SSH2: variants seen among roughly 807,000 people sequenced by gnomAD.
SSH2 encodes protein phosphatase Slingshot homolog 2.
A neutral mutation model predicts 135.2 loss-of-function variants in SSH2; 37 were observed. The ratio of observed to expected loss-of-function variants is 0.27; its 90% CI spans 0.21 to 0.36. The LOEUF (loss-of-function observed/expected upper bound fraction) is 0.36, where lower values mean the gene tolerates loss of function less well. SSH2 is among the 10% of genes least tolerant of loss of function. The pLI is 1.00. For synonymous variants in SSH2, 628 were observed against 646.2 expected (o/e 0.97, Z 0.43); for missense variants, 1,408 against 1,765.3 (o/e 0.80, Z 3.63).
At chr17:29,637,034 T>G (rs1217895943) in intron 14 of SSH2, among the ~76,000 whole-genome samples, 1 of 152,242 alleles carries the variant, frequency 6.6e-6, no homozygotes, top group Admixed American at 6.5e-5. Flanking sequence ...ATTAAAATGG[T>G]TGGTAACAGC....
At chr17:29,730,676 C>A (rs564552701) in intron 3 of SSH2, among the ~76,000 whole-genome samples, 9 of 151,872 alleles carry the variant, frequency 5.9e-5, no homozygotes, top group Non-Finnish European at 1.0e-4. Flanking sequence ...TGGGCTCAAG[C>A]GATCTGCCTG....
intron 3 of SSH2, among the ~76,000 whole-genome samples, chr17:29,765,711 C>A (rs192591200): frequency 6.6e-6 from 1 of 151,994 alleles, no homozygotes; most frequent in African/African-American, 2.4e-5. Context: ...GTTTACCTCA[C>A]GGGCTGATTA....
At chr17:29,731,620 TA>T (rs1415223813) in intron 3 of SSH2, among the ~76,000 whole-genome samples, 1 of 152,262 alleles carries the variant, frequency 6.6e-6, no homozygotes, top group South Asian at 2.1e-4. Context: ...TACACCCGGC[TA>T]ATCTGTGCAT....
rs182685083 is a variant in SSH2, at chr17:29,731,872, C to A, written c.189-28810G>T. On this transcript the variant is annotated intron_variant, in intron 3 of 15. Coordinates refer to ENST00000540801, the MANE Select transcript of SSH2 (RefSeq NM_001282129.2). ...TGATTAATTTGTTCATTCATTGGAT[C>A]CTTGCTTCCACTGGAAATTTTTTCT... Among the ~76,000 whole-genome samples the A allele has an allele frequency of 2.6e-5, 4 of 152,088 alleles. 1 individual carries two copies. The highest frequency in any genetic ancestry group is 4.4e-5 in the Non-Finnish European group (3 of 68,022).
At chr17:29,660,490 C>T (rs2036986174) in intron 11 of SSH2, among the ~76,000 whole-genome samples, 1 of 151,348 alleles carries the variant, frequency 6.6e-6, no homozygotes. Context: ...TGGTGTCCAT[C>T]TCTTGACCTT....
chr17:29,692,283 C>A (rs902135544), intron 5 of SSH2, among the ~76,000 whole-genome samples: 8 of 151,934 alleles, frequency 5.3e-5, no homozygotes, highest in Admixed American at 3.3e-4. Flanking sequence ...TTTGAGTCTA[C>A]AAATGCTCCT....
intron 1 of SSH2, among the ~76,000 whole-genome samples, chr17:29,871,870 G>A (rs1199403562): frequency 1.3e-5 from 2 of 152,128 alleles, no homozygotes; most frequent in African/African-American, 4.8e-5. Flanking sequence ...AAGAAATAGA[G>A]AGGTGTATAA....
intron 3 of SSH2, chr17:29,761,007 A>C: frequency 1.2e-6 from 1 of 817,150 alleles, no homozygotes; most frequent in Non-Finnish European, 1.7e-6. Flanking sequence ...CCTTCCCTCC[A>C]GACGCACGGA....
chr17:29,926,174 C>G (rs2067060819), intron 1 of SSH2, among the ~76,000 whole-genome samples: 1 of 152,124 alleles, frequency 6.6e-6, no homozygotes, highest in African/African-American at 2.4e-5. Context: ...TCTAGAACAG[C>G]CTCTCACTGG....
chr17:29,861,570 CT>C (rs138547768), intron 1 of SSH2, among the ~76,000 whole-genome samples: 28 of 148,468 alleles, frequency 1.9e-4, no homozygotes, highest in Middle Eastern at 3.5e-3. Flanking sequence ...TAATCTTCTT[CT>C]TTTTTTTTTC....
intron 4 of SSH2, among the ~76,000 whole-genome samples, chr17:29,699,298 C>T (rs150365692): frequency 6.6e-6 from 1 of 152,272 alleles, no homozygotes; most frequent in Non-Finnish European, 1.5e-5. Context: ...ATTTCAAATG[C>T]AGCCCAGTTA....
chr17:29,650,950 A>C lies in SSH2; in HGVS notation c.1080-150T>G, dbSNP rs1261296970. 6 of 610,200 alleles carry C rather than the reference A, an allele frequency of 9.8e-6. No homozygotes were observed. The African/African-American group carries it at 1.2e-4, about 12-fold the overall frequency. 37.8% of individuals were successfully genotyped at this position (610,200 alleles called of 1,614,324 possible). ...GACAGCTAAAAAACTAAGAGGTTAT[A>C]TTTATTTATTAGAGAAATGATACAG... On this transcript the variant is annotated intron_variant, in intron 12 of 15. Transcript: ENST00000540801.
intron 3 of SSH2, among the ~76,000 whole-genome samples, chr17:29,764,942 G>A (rs553672369): frequency 6.6e-6 from 1 of 152,284 alleles, no homozygotes; most frequent in African/African-American, 2.4e-5. Context: ...AAATGCGAAT[G>A]AAGGATGTAG....
chr17:29,861,977 T>C (rs950998736), intron 1 of SSH2, among the ~76,000 whole-genome samples: 1 of 152,210 alleles, frequency 6.6e-6, no homozygotes, highest in Admixed American at 6.5e-5. Context: ...ACTATAGTTA[T>C]ATACTTTGCA....
At chr17:29,760,199 G>A (rs893469497) in intron 3 of SSH2, among the ~76,000 whole-genome samples, 4 of 152,088 alleles carry the variant, frequency 2.6e-5, no homozygotes, top group African/African-American at 4.8e-5. Context: ...CTTTAATAAG[G>A]GATAATGTAA....
chr17:29,810,368 T>C (rs1296941432), intron 2 of SSH2, among the ~76,000 whole-genome samples: 1 of 152,244 alleles, frequency 6.6e-6, no homozygotes. Flanking sequence ...AGGGAACTAA[T>C]CATCATCATC....
At chr17:29,721,078 A>G (rs1265355417) in intron 3 of SSH2, among the ~76,000 whole-genome samples, 1 of 152,242 alleles carries the variant, frequency 6.6e-6, no homozygotes, top group East Asian at 1.9e-4. Context: ...AAATTTATGA[A>G]GACGCAATGA....
Position 29,631,416 on chromosome 17 carries a change from C to T in SSH2, c.3778G>A (p.Glu1260Lys), listed in dbSNP as rs149647698. The change falls in exon 16 of 16, where the codon GAG becomes AAG. Residue 1260 changes from glutamate to lysine, a missense_variant. Around this residue, in one of 3 missense-constraint regions of SSH2, gnomAD observed 1,080 missense variants for 1,144.5 expected, o/e 0.94. Transcript: ENST00000540801. ...CGAGACTCGATTTCTTTAGCACGCT[C>T]CTTCACCACACCGGGGCTGTGGCTG... ...SLSHSPGVVK[E>K]RAKEIESRVV... 1 of 1,614,064 alleles carries T rather than the reference C, an allele frequency of 6.2e-7. No individual in the cohort carries two copies. The highest frequency in any genetic ancestry group is 1.3e-5 in the African/African-American group (1 of 74,906).
chr17:29,657,151 G>A (rs982201599), intron 11 of SSH2, among the ~76,000 whole-genome samples: 1 of 151,520 alleles, frequency 6.6e-6, no homozygotes, highest in African/African-American at 2.4e-5. Context: ...ATTTTTAGTA[G>A]AGACAGGGTT....
Sources: allele counts gnomAD v4.1 joint callset (sites outside exome capture counted in the v4.1 genomes callset), GRCh38; gene constraint gnomAD v4.1.1; regional missense constraint gnomAD v4.1.1; transcripts MANE v1.5; gene names NCBI Gene and HGNC (gene_info 2026-07-23, HGNC 2026-07-21).